PLEKHA5: variants seen among roughly 807,000 people sequenced by gnomAD.
PLEKHA5 encodes pleckstrin homology domain containing A5.
In PLEKHA5, 55 loss-of-function variants were observed where a neutral mutation model predicts 181.9. The observed-to-expected ratio is 0.30, with a 90% CI of 0.24 to 0.38. The LOEUF (loss-of-function observed/expected upper bound fraction) is 0.38, where lower values mean the gene tolerates loss of function less well. PLEKHA5 is among the 10% of genes least tolerant of loss of function. PLEKHA5 has a pLI of 1.00. For synonymous variants in PLEKHA5, 535 were observed against 529.4 expected (o/e 1.01, Z -0.15); for missense variants, 1,432 against 1,549.5 (o/e 0.92, Z 1.27).
At chr12:19,335,706 A>G (rs1306145379) in intron 20 of PLEKHA5, among the ~76,000 whole-genome samples, 1 of 150,602 alleles carries the variant, frequency 6.6e-6, no homozygotes, top group Non-Finnish European at 1.5e-5. Flanking sequence ...ATCTCGGCTC[A>G]CTGCAACCTC....
chr12:19,290,839 C>CTG, intron 14 of PLEKHA5, 43 bp downstream of exon 14: 1 of 1,492,306 alleles, frequency 6.7e-7, no homozygotes, highest in Non-Finnish European at 9.0e-7. Context: ...GCCATCATCT[C>CTG]TTATTTTGAA....
At chr12:19,202,309 G>T (rs1045120949) in intron 3 of PLEKHA5, among the ~76,000 whole-genome samples, 8 of 152,086 alleles carry the variant, frequency 5.3e-5, no homozygotes, top group African/African-American at 1.9e-4. Flanking sequence ...TATTATGTGA[G>T]GATTTGTGAA....
At position 19,129,872 on chromosome 12, in the gene PLEKHA5, C is replaced by G; in HGVS notation, c.73C>G (p.Arg25Gly). 1 of 1,603,344 alleles carries G rather than the reference C, an allele frequency of 6.2e-7. No individual in the cohort carries two copies. The highest frequency in any genetic ancestry group is 8.5e-7 in the Non-Finnish European group (1 of 1,175,476). The change falls in exon 1 of 32, where the codon CGA (arginine) becomes GGA (glycine). Residue 25 changes from arginine (R) to glycine (G), a missense_variant. This residue lies in a region of PLEKHA5 where 289 missense variants were observed against 381.1 expected (regional missense o/e 0.76). Coordinates refer to ENST00000429027, the MANE Select transcript of PLEKHA5 (RefSeq NM_001256470.2). ...SWTYGITRGGRVFFINEEAKS... is the reference protein window; with the variant it reads ...SWTYGITRGGGVFFINEEAKS... ...GACTTACGGGATCACCAGGGGCGGC[C>G]GAGTCTTCTTCATCAAGTAAAGAGC...
intron 15 of PLEKHA5, chr12:19,306,637 C>T: frequency 2.6e-6 from 3 of 1,168,610 alleles, no homozygotes; most frequent in Non-Finnish European, 3.8e-6. Context: ...GAGGCGGCGG[C>T]ATCGAGGTAA....
intron 3 of PLEKHA5, among the ~76,000 whole-genome samples, chr12:19,192,679 G>A (rs774941791): frequency 3.3e-5 from 5 of 152,168 alleles, no homozygotes; most frequent in South Asian, 2.1e-4. Flanking sequence ...GCAGTGCAGC[G>A]TGGGCCACAG....
At chr12:19,213,380 ATTAT>A (rs1231292008) in intron 3 of PLEKHA5, among the ~76,000 whole-genome samples, 5 of 152,130 alleles carry the variant, frequency 3.3e-5, no homozygotes, top group Non-Finnish European at 7.4e-5. Context: ...AGACCAAAAG[ATTAT>A]AGATGTCTTC....
intron 3 of PLEKHA5, among the ~76,000 whole-genome samples, chr12:19,182,606 C>T (rs1170015360): frequency 6.6e-6 from 1 of 152,156 alleles, no homozygotes. Context: ...TCTCCCTTAC[C>T]ATATTTCTAG....
chr12:19,289,370 G>T lies in PLEKHA5; in HGVS notation c.1864-1307G>T, dbSNP rs115988105. ...ATGATTTCTGTTTTTGAAAAGAATT[G>T]TCAGAAAATAAAGAGCAATAGCAAA... On this transcript the variant is annotated intron_variant, in intron 13 of 31. Coordinates refer to ENST00000429027, the MANE Select transcript of PLEKHA5 (RefSeq NM_001256470.2). 6.8e-3 allele frequency among the ~76,000 whole-genome samples: 1,034 copies of T among 152,268 alleles called. 13 individuals carry two copies. The highest frequency in any genetic ancestry group is 0.031 in the Middle Eastern group (9 of 294).
chr12:19,144,941 A>G (rs2151192447), intron 3 of PLEKHA5, among the ~76,000 whole-genome samples: 1 of 152,326 alleles, frequency 6.6e-6, no homozygotes, highest in South Asian at 2.1e-4. Context: ...CCAGTTTCAC[A>G]TTGACAGTTA....
chr12:19,271,774 G>T (rs2072886686), intron 10 of PLEKHA5, among the ~76,000 whole-genome samples: 3 of 152,134 alleles, frequency 2.0e-5, no homozygotes, highest in Admixed American at 1.3e-4. Flanking sequence ...TCACTAGTTA[G>T]GTGCTTATAC....
At chr12:19,302,294 TGTTCAAGAAA>T (rs1164122197) in intron 15 of PLEKHA5, among the ~76,000 whole-genome samples, 2 of 152,238 alleles carry the variant, frequency 1.3e-5, no homozygotes, top group Admixed American at 6.5e-5. Flanking sequence ...CCACCCACAC[TGTTCAAGAAA>T]AAGGAACTAT....
chr12:19,317,992 C>A (rs1257474716), intron 16 of PLEKHA5, among the ~76,000 whole-genome samples: 1 of 119,302 alleles, frequency 8.4e-6, no homozygotes, highest in Non-Finnish European at 1.6e-5. Context: ...TTACCATGAA[C>A]TTAAATTAAC....
At chr12:19,332,256 A>T (rs554379067) in intron 20 of PLEKHA5, among the ~76,000 whole-genome samples, 2 of 152,292 alleles carry the variant, frequency 1.3e-5, no homozygotes, top group East Asian at 3.9e-4. Context: ...CCTGGGCAGC[A>T]GAGCAAAACC....
intron 3 of PLEKHA5, among the ~76,000 whole-genome samples, chr12:19,245,612 C>A (rs2063526157): frequency 6.6e-6 from 1 of 150,696 alleles, no homozygotes; most frequent in African/African-American, 2.5e-5. Context: ...CCTGTAATCC[C>A]AGCTACTCGG....
chr12:19,190,249 T>C (rs1467777871), intron 3 of PLEKHA5, among the ~76,000 whole-genome samples: 1 of 152,234 alleles, frequency 6.6e-6, no homozygotes, highest in East Asian at 1.9e-4. Flanking sequence ...GGTTTAAAGC[T>C]AGGAAAACTT....
At position 19,240,687 on chromosome 12, in the gene PLEKHA5, G is replaced by A. The variant is rs147812400; in HGVS notation, c.228-13253G>A. On this transcript the variant is annotated intron_variant, in intron 3 of 31. Transcript: ENST00000429027. ...GGGCCTTTCTTTATTGCCCAGGCTA[G>A]CCTCAAACTCCTGGCCTAAAGCAGT... Among the ~76,000 whole-genome samples the A allele has an allele frequency of 7.1e-4, 108 of 151,400 alleles. No individual in the cohort carries two copies. In the East Asian group the frequency reaches 0.018, roughly 26 times the overall value.
intron 3 of PLEKHA5, among the ~76,000 whole-genome samples, chr12:19,169,231 G>C (rs1388127470): frequency 2.0e-5 from 3 of 151,654 alleles, no homozygotes; most frequent in Non-Finnish European, 4.4e-5. Context: ...TTAAGTAAAG[G>C]TCTGTTAATT....
intron 10 of PLEKHA5, among the ~76,000 whole-genome samples, chr12:19,270,929 A>T (rs1251415503): frequency 6.6e-6 from 1 of 152,014 alleles, no homozygotes; most frequent in African/African-American, 2.4e-5. Context: ...ACTTAGGTTG[A>T]TGCTGTGTAT....
chr12:19,234,806 G>A, intron 3 of PLEKHA5, among the ~76,000 whole-genome samples: 1 of 152,228 alleles, frequency 6.6e-6, no homozygotes, highest in Non-Finnish European at 1.5e-5. Context: ...AACAGTGAAG[G>A]CTTTATTATA....
Sources: gnomAD v4.1 joint callset for allele counts (sites outside exome capture counted in the v4.1 genomes callset) on GRCh38, gnomAD v4.1.1 for gene constraint, gnomAD v4.1.1 regional missense constraint, MANE v1.5 for transcripts, NCBI Gene and HGNC (gene_info 2026-07-23, HGNC 2026-07-21) for gene names.